CFAP99: variants seen among roughly 807,000 people sequenced by gnomAD.
The protein encoded by CFAP99 is cilia and flagella associated protein 99.
In CFAP99, 84 loss-of-function variants were observed where a neutral mutation model predicts 82.7. The observed-to-expected ratio is 1.02, with a 90% CI of 0.85 to 1.22. The LOEUF (loss-of-function observed/expected upper bound fraction) is 1.22. Ranked by LOEUF, CFAP99 falls within the 50% of genes most tolerant of loss-of-function variation. The pLI is 0.00. For synonymous variants in CFAP99, 456 were observed against 429.5 expected, an observed-to-expected ratio of 1.06 and a Z score of -0.76; for missense variants, 1,059 against 983.5, an observed-to-expected ratio of 1.08 and a Z score of -1.03.
At chr4:2,421,951 G>A (rs989223169) in intron 1 of CFAP99, among the ~76,000 whole-genome samples, 31 of 152,004 alleles carry the variant, frequency 2.0e-4, no homozygotes, top group Non-Finnish European at 4.0e-4. Context: ...CAGCTACCCC[G>A]GAGGCTGAGG....
intron 2 of CFAP99, among the ~76,000 whole-genome samples, chr4:2,436,114 T>C (rs1344413450): frequency 1.4e-5 from 2 of 143,606 alleles, no homozygotes; most frequent in African/African-American, 5.3e-5. Context: ...TATGTATATA[T>C]AGATATATAT....
In CFAP99 at chr4:2,462,763, G is replaced by A; in HGVS notation, c.1982G>A (p.Gly661Asp). Reference sequence around the variant, plus strand: ...AGATACGCAGCGGCGGGCGCGGGAGGCGGTGGGGGCGTCCCTGCCCGCGCC... The same window carrying A: ...AGATACGCAGCGGCGGGCGCGGGAGACGGTGGGGGCGTCCCTGCCCGCGCC... The change falls in exon 15 of 15, where the codon GGC becomes GAC. Residue 661 changes from glycine (G) to aspartate (D), a missense_variant. Coordinates refer to ENST00000635017, the Ensembl canonical transcript of CFAP99. This position sits in a 1 kb window ranked among gnomAD's most constrained non-coding sequence, Gnocchi z 4.1. The A allele has an allele frequency of 8.0e-7, 1 of 1,251,668 alleles. No individual in the cohort carries two copies. Among genetic ancestry groups the A allele is most frequent in the Non-Finnish European group, 1.0e-6 (1 of 996,288 alleles). The allele number at this position is 1,251,668 out of a possible 1,614,324, so 77.5% of individuals were successfully genotyped here.
At position 2,456,054 on chromosome 4, in the gene CFAP99, G is replaced by A. The variant is rs1225775616; in HGVS notation, c.1162-2669G>A. 2.0e-5 allele frequency among the ~76,000 whole-genome samples: 3 copies of A among 152,090 alleles called. No individual in the cohort carries two copies. The East Asian group carries it at 5.8e-4, about 29-fold the overall frequency. ...TTTTCCATTGAGAGGAGAGATGTTT[G>A]GGGTCTACCTGAATGTTCTCTGCTT... On this transcript the variant is annotated intron_variant, in intron 11 of 14. Transcript: ENST00000635017.
At chr4:2,437,110 C>T (rs1038048670) in intron 3 of CFAP99, 92 bp downstream of exon 3, 9 of 1,442,008 alleles carry the variant, frequency 6.2e-6, no homozygotes, top group African/African-American at 2.8e-5. Context: ...AGCGGGCAGG[C>T]GGGGCCAGCT....
chr4:2,431,960 C>G (rs1378597185), intron 2 of CFAP99, among the ~76,000 whole-genome samples: 2 of 152,144 alleles, frequency 1.3e-5, no homozygotes, highest in Non-Finnish European at 2.9e-5. Context: ...CACTTTGAAC[C>G]ATCTGTTCGG....
chr4:2,443,268 G>A (rs1347156892), intron 5 of CFAP99, 26 bp downstream of exon 5: 8 of 1,426,562 alleles, frequency 5.6e-6, no homozygotes, highest in Middle Eastern at 3.5e-4. Flanking sequence ...GGCTCTGGGG[G>A]CCCTGAATGG....
At position 2,449,798 on chromosome 4, in the gene CFAP99, T is replaced by C. The variant is rs781581702; in HGVS notation, c.723+48T>C. 2.6e-6 allele frequency: 4 copies of C among 1,530,822 alleles called. No individual in the cohort carries two copies. In the South Asian group the frequency reaches 4.8e-5, roughly 18 times the overall value. 94.8% of individuals were successfully genotyped at this position (1,530,822 alleles called of 1,614,324 possible). On this transcript the variant is annotated intron_variant, in intron 7 of 14. Transcript: ENST00000635017. The stretch of plus-strand genomic sequence containing the variant: ...CTTCCTAGAGACCCCATATGAGGGA[T>C]GTGTGAAGGGAAGGTGGGGTGGGGA...
At chr4:2,458,702 G>A in intron 11 of CFAP99, 21 bp from the exon 12 acceptor site, 1 of 1,524,464 alleles carries the variant, frequency 6.6e-7, no homozygotes, top group Non-Finnish European at 8.8e-7. Context: ...ACTCACCGTG[G>A]CAGGTCCGCT....
At chr4:2,459,917 G>A (rs1171716139) in intron 13 of CFAP99, 120 bp from the exon 14 acceptor site, 2 of 832,550 alleles carry the variant, frequency 2.4e-6, no homozygotes, top group Non-Finnish European at 3.9e-6. Context: ...TTCATAAGCA[G>A]TGTTGAAGCA....
chr4:2,441,331 C>G (rs1734032972), intron 4 of CFAP99, among the ~76,000 whole-genome samples: 2 of 149,650 alleles, frequency 1.3e-5, no homozygotes. Context: ...TGAGATGGCG[C>G]CATTGCACTC....
At chr4:2,444,571 G>A (rs762157266) in intron 5 of CFAP99, among the ~76,000 whole-genome samples, 1 of 152,062 alleles carries the variant, frequency 6.6e-6, no homozygotes, top group African/African-American at 2.4e-5. Context: ...ATGGAAGGGG[G>A]AGCCCCACAC....
chr4:2,437,032 TG>T lies in CFAP99; in HGVS notation c.256+16del. On this transcript the variant is annotated intron_variant, in intron 3 of 14. Coordinates refer to ENST00000635017, the Ensembl canonical transcript of CFAP99. ...GCCGCTTCGAGGGTAGGTGCCTGGC[TG>T]GTCCCCAGGGCCAGGCCGTAGAGAC... is the stretch of plus-strand genomic sequence containing the variant. The T allele has an allele frequency of 2.6e-6, 4 of 1,535,946 alleles. No homozygotes were observed. The South Asian group carries it at 3.6e-5, about 14-fold the overall frequency.
chr4:2,442,739 C>T (rs1440684359), intron 4 of CFAP99, among the ~76,000 whole-genome samples: 3 of 152,204 alleles, frequency 2.0e-5, no homozygotes, highest in Non-Finnish European at 2.9e-5. Flanking sequence ...CCCCTCCCCA[C>T]GGCAGCCCAC....
At chr4:2,458,464 T>C (rs704344) in intron 11 of CFAP99, among the ~76,000 whole-genome samples, 18,331 of 151,944 alleles carry the variant, frequency 0.12, 1,165 homozygotes, top group Middle Eastern at 0.23. Flanking sequence ...TACCACAAAC[T>C]GGGTGGCTTC....
intron 11 of CFAP99, among the ~76,000 whole-genome samples, chr4:2,453,580 A>G (rs528558501): frequency 6.6e-6 from 1 of 152,294 alleles, no homozygotes; most frequent in South Asian, 2.1e-4. Flanking sequence ...GGTCAGAAAT[A>G]GTATCTTGGT....
At chr4:2,441,387 A>AG (rs1734035099) in intron 4 of CFAP99, among the ~76,000 whole-genome samples, 1 of 151,622 alleles carries the variant, frequency 6.6e-6, no homozygotes, top group Non-Finnish European at 1.5e-5. Flanking sequence ...AAAAAAAAAA[A>AG]AAAATTGTTG....
chr4:2,441,351 C>T (rs376172651), intron 4 of CFAP99, among the ~76,000 whole-genome samples: 12 of 138,074 alleles, frequency 8.7e-5, no homozygotes, highest in South Asian at 2.3e-4. Context: ...CCAGCCTGGG[C>T]GACAGAGCGA....
chr4:2,448,492 C>T lies in CFAP99; in HGVS notation c.643-1178C>T, dbSNP rs763659690. Among the ~76,000 whole-genome samples the T allele has an allele frequency of 1.3e-5, 2 of 152,236 alleles. No individual in the cohort carries two copies. The highest frequency in any genetic ancestry group is 2.9e-5 in the Non-Finnish European group (2 of 68,042). On this transcript the variant is annotated intron_variant, in intron 6 of 14. Coordinates refer to ENST00000635017, the Ensembl canonical transcript of CFAP99. The surrounding 1 kb of genome is among the most constrained non-coding windows in gnomAD (Gnocchi z 5.2). The stretch of plus-strand genomic sequence containing the variant: ...AGGGTTGAGGGCCCACTGTAATTCA[C>T]TCATTCATTATCTCAGACAAAGGAG...
chr4:2,447,645 GTGGA>G (rs146216594), intron 6 of CFAP99, among the ~76,000 whole-genome samples: 43 of 147,402 alleles, frequency 2.9e-4, no homozygotes, highest in African/African-American at 4.8e-4. Flanking sequence ...GGATGGGTGG[GTGGA>G]TGGATGGATG....
Sources: gnomAD v4.1 joint callset for allele counts (sites outside exome capture counted in the v4.1 genomes callset) on GRCh38, gnomAD v4.1.1 for gene constraint, Gnocchi (gnomAD v3.1) non-coding constraint, MANE v1.5 for transcripts, NCBI Gene and HGNC (gene_info 2026-07-23, HGNC 2026-07-21) for gene names.